The following ADGRV1 variants were observed in gnomAD, a reference collection of about 807,000 sequenced individuals.
ADGRV1 encodes G-protein coupled receptor 98.
In ADGRV1, 359 loss-of-function variants were observed where a neutral mutation model predicts 596.2. The observed-to-expected ratio is 0.60, with a 90% CI of 0.55 to 0.66. ADGRV1 has a LOEUF of 0.66. Ranked by LOEUF, ADGRV1 falls within the 30% of genes least tolerant of loss-of-function variation. ADGRV1 has a pLI of 0.00. For missense variants in ADGRV1, 7,274 were observed against 7,575.6 expected (o/e 0.96, Z 1.48); for synonymous variants, 2,681 against 2,679.2 (o/e 1.00, Z -0.02).
intron 84 of ADGRV1, among the ~76,000 whole-genome samples, chr5:90,967,810 T>C (rs1442108701): frequency 6.6e-6 from 1 of 152,152 alleles, no homozygotes; most frequent in Non-Finnish European, 1.5e-5. Flanking sequence ...TACTCAAAAT[T>C]ATAATTTAAC....
rs1429627572 is a variant in ADGRV1, at chr5:90,653,783, G to A, written c.4209G>A (p.Leu1403=). The change falls in exon 20 of 90, where the codon TTG becomes TTA. Residue 1403 remains leucine (L), a synonymous_variant. Transcript: ENST00000405460. ...HVTLSLHYKT[L]GSNATYIAKT... ...CACTTTCCCTTCATTATAAAACCTT[G>A]GGTTCCAATGCTACATACATTGCCA... 3 of 1,613,394 alleles carry A rather than the reference G, an allele frequency of 1.9e-6. No homozygotes were observed. Among genetic ancestry groups the A allele is most frequent in the Non-Finnish European group, 2.5e-6 (3 of 1,179,670 alleles).
At chr5:90,928,663 C>T (rs1247338623) in intron 83 of ADGRV1, among the ~76,000 whole-genome samples, 12 of 150,462 alleles carry the variant, frequency 8.0e-5, no homozygotes, top group Admixed American at 3.3e-4. Flanking sequence ...AGCTTTGTTC[C>T]GTTGCTGGTG....
chr5:90,587,818 C>T (rs1258168491), intron 1 of ADGRV1, among the ~76,000 whole-genome samples: 1 of 152,118 alleles, frequency 6.6e-6, no homozygotes, highest in Non-Finnish European at 1.5e-5. Flanking sequence ...CCTCAGCCTT[C>T]CAAAGTGCTG....
intron 83 of ADGRV1, among the ~76,000 whole-genome samples, chr5:90,867,341 A>T (rs576890773): frequency 1.1e-4 from 16 of 152,326 alleles, no homozygotes; most frequent in Admixed American, 5.9e-4. Context: ...TAGCAAATTC[A>T]TCTAGAAATG....
At chr5:91,107,184 A>G (rs963614308) in intron 87 of ADGRV1, among the ~76,000 whole-genome samples, 13 of 149,192 alleles carry the variant, frequency 8.7e-5, no homozygotes, top group African/African-American at 3.3e-4. Context: ...TCTGGGAACT[A>G]CAGTTTGAGA....
rs540190444 is a variant in ADGRV1 at position 90,723,541 on chromosome 5, T to C, written c.9749-1291T>C. On this transcript the variant is annotated intron_variant, in intron 45 of 89. Coordinates refer to ENST00000405460, the MANE Select transcript of ADGRV1 (RefSeq NM_032119.4). Reference sequence around the variant, plus strand: ...GCAGTCATTGCTTATTCTTCATTTGTGGTCGTCTTGAATTATTGTAGAGAA... The same window carrying C: ...GCAGTCATTGCTTATTCTTCATTTGCGGTCGTCTTGAATTATTGTAGAGAA... 3.2e-3 allele frequency among the ~76,000 whole-genome samples: 481 copies of C among 152,344 alleles called. 1 individual carries two copies. Among genetic ancestry groups the C allele is most frequent in the Non-Finnish European group, 5.1e-3 (345 of 68,030 alleles).
At chr5:90,880,701 A>G (rs933749910) in intron 83 of ADGRV1, among the ~76,000 whole-genome samples, 1 of 152,210 alleles carries the variant, frequency 6.6e-6, no homozygotes, top group African/African-American at 2.4e-5. Flanking sequence ...CTCTCAGCTC[A>G]GCTTCTCTGA....
chr5:90,649,888 G>A (rs1037834081), intron 17 of ADGRV1, among the ~76,000 whole-genome samples: 2 of 152,086 alleles, frequency 1.3e-5, no homozygotes, highest in African/African-American at 2.4e-5. Flanking sequence ...GAGAGAGAGA[G>A]GGAGAACACA....
At position 90,807,668 on chromosome 5, in the gene ADGRV1, G is replaced by T; in HGVS notation, c.14903G>T (p.Gly4968Val). The T allele has an allele frequency of 6.2e-7, 1 of 1,612,516 alleles. No homozygotes were observed. Among genetic ancestry groups the T allele is most frequent in the Non-Finnish European group, 8.5e-7 (1 of 1,178,810 alleles). The change falls in exon 73 of 90, where the codon GGT becomes GTT. Residue 4968 changes from glycine to valine, a missense_variant. This residue lies in a region of ADGRV1 where 1,874 missense variants were observed against 1,970.2 expected (regional missense o/e 0.95). Coordinates refer to ENST00000405460, the MANE Select transcript of ADGRV1 (RefSeq NM_032119.4). ...GVFLWTFPSP[G>V]WPEAFVLHLS... ...TTCCTGTGGACGTTTCCTAGCCCTG[G>T]TTGGCCAGAGGCCTTTGTTCTTCAC...
At chr5:90,722,690 G>A (rs1320655742) in intron 45 of ADGRV1, among the ~76,000 whole-genome samples, 1 of 104,480 alleles carries the variant, frequency 9.6e-6, no homozygotes, top group Non-Finnish European at 1.7e-5. Flanking sequence ...ACTCCAGCCT[G>A]GGCAACAAGA....
chr5:91,095,630 C>T lies in ADGRV1; in HGVS notation c.18311-6589C>T, dbSNP rs78634619. On this transcript the variant is annotated intron_variant, in intron 86 of 89. Transcript: ENST00000405460. ...TCTCACCAAGAAAATATTCAGATCA[C>T]GGAAACATCCTTGTCTCTAAGTATC... Among the ~76,000 whole-genome samples the T allele has an allele frequency of 1.0e-3, 152 of 152,210 alleles. 4 individuals are homozygous for T. In the East Asian group the frequency reaches 0.026, roughly 26 times the overall value.
chr5:90,946,969 G>A (rs1561983299), intron 83 of ADGRV1, among the ~76,000 whole-genome samples: 1 of 152,116 alleles, frequency 6.6e-6, no homozygotes, highest in African/African-American at 2.4e-5. Flanking sequence ...TATTCCTATG[G>A]ATATATACCC....
At chr5:91,097,528 G>A (rs1790978130) in intron 86 of ADGRV1, among the ~76,000 whole-genome samples, 1 of 152,186 alleles carries the variant, frequency 6.6e-6, no homozygotes, top group Admixed American at 6.5e-5. Flanking sequence ...ATACTGCCAT[G>A]AATATTGGTG....
intron 67 of ADGRV1, among the ~76,000 whole-genome samples, chr5:90,785,843 C>T (rs189348357): frequency 0.013 from 1,985 of 152,242 alleles, 14 homozygotes; most frequent in Non-Finnish European, 0.021. Flanking sequence ...GACAGTGTGG[C>T]GATTCCTCAA....
intron 59 of ADGRV1, among the ~76,000 whole-genome samples, chr5:90,764,622 T>C (rs556998976): frequency 1.3e-5 from 2 of 152,048 alleles, no homozygotes; most frequent in African/African-American, 4.8e-5. Context: ...TGGGCTGTGC[T>C]CCCCCTCCCT....
rs910141738 is a variant in ADGRV1 at position 90,578,733 on chromosome 5, G to A, written c.22+19816G>A. Among the ~76,000 whole-genome samples, 13 of 152,268 alleles carry A rather than the reference G, an allele frequency of 8.5e-5. No individual in the cohort carries two copies. In the East Asian group the frequency reaches 1.4e-3, roughly 16 times the overall value. ...TCTGGTAGAATTCGGCTGTGAATCC[G>A]TCTGGTCGTGGACTTTTTTGGTTGG... On this transcript the variant is annotated intron_variant, in intron 1 of 89. Coordinates refer to ENST00000405460, the MANE Select transcript of ADGRV1 (RefSeq NM_032119.4).
chr5:91,130,878 A>T (rs1794158644), intron 87 of ADGRV1, among the ~76,000 whole-genome samples: 1 of 152,152 alleles, frequency 6.6e-6, no homozygotes, highest in Admixed American at 6.5e-5. Flanking sequence ...GCGGTATTTG[A>T]TTCTGTTTCT....
Position 90,628,824 on chromosome 5 carries a change from C to T in ADGRV1, c.1501C>T (p.Pro501Ser), listed in dbSNP as rs747412638. Residue 501 changes from proline to serine, a missense_variant, in exon 8 of 90, where the codon CCA becomes TCA. Coordinates refer to ENST00000405460, the MANE Select transcript of ADGRV1 (RefSeq NM_032119.4). ...TIRGGAEVSE[P>S]AELLFYIQDS... ...ACGAGGAGGTGCAGAAGTGAGCGAGCCAGCGGAGGTATAACCCTTGTTATG... is the reference window on the plus strand; with the variant it reads ...ACGAGGAGGTGCAGAAGTGAGCGAGTCAGCGGAGGTATAACCCTTGTTATG... 2 of 1,613,560 alleles carry T rather than the reference C, an allele frequency of 1.2e-6. No homozygotes were observed. The highest frequency in any genetic ancestry group is 2.2e-5 in the East Asian group (1 of 44,894).
At chr5:91,044,263 A>G (rs1785607170) in intron 85 of ADGRV1, among the ~76,000 whole-genome samples, 1 of 152,144 alleles carries the variant, frequency 6.6e-6, no homozygotes, top group African/African-American at 2.4e-5. Flanking sequence ...GATTCACAAC[A>G]TAAGCCTGAT....
Sources: allele counts gnomAD v4.1 joint callset (sites outside exome capture counted in the v4.1 genomes callset), GRCh38; gene constraint gnomAD v4.1.1; regional missense constraint gnomAD v4.1.1; transcripts MANE v1.5; gene names NCBI Gene and HGNC (gene_info 2026-07-23, HGNC 2026-07-21).